Variants in FSIP1 observed in about 807,000 individuals in gnomAD.
The protein encoded by FSIP1 is fibrous sheath interacting protein 1, also known as fibrous sheath-interacting protein 1.
A neutral mutation model predicts 60.9 loss-of-function variants in FSIP1; 65 were observed. The observed-to-expected ratio is 1.07, with a 90% CI of 0.87 to 1.31. The LOEUF (loss-of-function observed/expected upper bound fraction) is 1.31. Among genes scored for constraint, FSIP1 ranks in the 40% most tolerant of loss-of-function variants. FSIP1 has a pLI of 0.00. For synonymous variants in FSIP1, 209 were observed against 221.2 expected (o/e 0.94, Z 0.49); for missense variants, 675 against 665.5 (o/e 1.01, Z -0.16).
At chr15:39,718,871 C>T (rs1895850141) in intron 9 of FSIP1, among the ~76,000 whole-genome samples, 1 of 152,174 alleles carries the variant, frequency 6.6e-6, no homozygotes, top group African/African-American at 2.4e-5. Flanking sequence ...AAGAGGTATA[C>T]ACCCGAAGGT....
intron 10 of FSIP1, among the ~76,000 whole-genome samples, chr15:39,710,441 G>GAAAAAAAAAAAA (rs397945950): frequency 8.1e-5 from 6 of 74,240 alleles, no homozygotes; most frequent in Middle Eastern, 9.1e-3. Context: ...CTCTGTCTCA[G>GAAAAAAAAAAAA]AAAAAAAAAA....
intron 10 of FSIP1, among the ~76,000 whole-genome samples, chr15:39,695,323 CA>C (rs957469313): frequency 2.6e-5 from 4 of 151,786 alleles, no homozygotes; most frequent in Admixed American, 6.6e-5. Flanking sequence ...ACCCAGTACC[CA>C]ACTGTTCCTC....
chr15:39,700,681 A>T (rs1333732939), intron 10 of FSIP1, among the ~76,000 whole-genome samples: 1 of 152,208 alleles, frequency 6.6e-6, no homozygotes, highest in Non-Finnish European at 1.5e-5. Context: ...TGCCCACCCC[A>T]GTGTCTATAC....
chr15:39,626,125 T>C (rs1363921737), intron 10 of FSIP1, among the ~76,000 whole-genome samples: 1 of 152,190 alleles, frequency 6.6e-6, no homozygotes, highest in Non-Finnish European at 1.5e-5. Flanking sequence ...GGAAATCAGC[T>C]GATAGATGAG....
intron 10 of FSIP1, among the ~76,000 whole-genome samples, chr15:39,692,581 A>T (rs923781488): frequency 6.6e-6 from 1 of 152,222 alleles, no homozygotes; most frequent in Non-Finnish European, 1.5e-5. Context: ...ATAAAAGGAG[A>T]GTACTAAACC....
At chr15:39,747,291 GT>G (rs1465549092) in intron 5 of FSIP1, 4 of 152,136 alleles carry the variant, frequency 2.6e-5, no homozygotes, top group Admixed American at 2.6e-4. Flanking sequence ...ATTTAGAATT[GT>G]TTTACTTACC....
At chr15:39,622,296 T>C (rs988907377) in intron 10 of FSIP1, among the ~76,000 whole-genome samples, 5 of 152,220 alleles carry the variant, frequency 3.3e-5, no homozygotes, top group Non-Finnish European at 7.3e-5. Context: ...TCAGTCCTCA[T>C]TTTTCCAGGC....
chr15:39,629,667 CCT>C (rs1891798739), intron 10 of FSIP1, among the ~76,000 whole-genome samples: 1 of 152,146 alleles, frequency 6.6e-6, no homozygotes, highest in Non-Finnish European at 1.5e-5. Context: ...CACTACTGTC[CCT>C]GAGTCTAAGC....
intron 10 of FSIP1, among the ~76,000 whole-genome samples, chr15:39,638,773 C>A (rs1892235932): frequency 6.6e-6 from 1 of 151,816 alleles, no homozygotes; most frequent in Non-Finnish European, 1.5e-5. Flanking sequence ...AGAGACTATA[C>A]TATTTTCCTA....
chr15:39,602,311 G>A, intron 11 of FSIP1: 1 of 456,238 alleles, frequency 2.2e-6, no homozygotes, highest in Non-Finnish European at 4.4e-6. Context: ...AGGAGAAGCT[G>A]GAAGAAGCAT....
intron 10 of FSIP1, among the ~76,000 whole-genome samples, chr15:39,647,762 T>C (rs1892680647): frequency 6.6e-6 from 1 of 152,020 alleles, no homozygotes; most frequent in South Asian, 2.1e-4. Context: ...AAAAAAAGAC[T>C]TCTTAAGGTC....
In FSIP1 at chr15:39,741,876, G is replaced by C. The variant is rs764736214; in HGVS notation, c.584C>G (p.Thr195Ser). The stretch of plus-strand genomic sequence containing the variant: ...TTGAGTATGAAACACTGAGGAAAAG[G>C]TGTCTTCCTCCTCATGAGAAGGACC... ...TVGPSHEEED[T>S]FSSVFHTQIP... is the part of the protein sequence containing the mutation. The change falls in exon 6 of 12, where the codon ACC becomes AGC. Residue 195 changes from threonine (T) to serine (S), a missense_variant. Thr to Ser is a moderately conservative substitution (Grantham distance 58). Coordinates refer to ENST00000350221, the MANE Select transcript of FSIP1 (RefSeq NM_152597.5). The C allele has an allele frequency of 2.5e-6, 4 of 1,600,126 alleles. No individual in the cohort carries two copies. In the African/African-American group the frequency reaches 4.0e-5, roughly 16 times the overall value.
chr15:39,709,233 A>G (rs1359644612), intron 10 of FSIP1, among the ~76,000 whole-genome samples: 1 of 152,168 alleles, frequency 6.6e-6, no homozygotes, highest in African/African-American at 2.4e-5. Context: ...TAGATCACCA[A>G]TTCAGTGGCC....
At chr15:39,699,529 G>A (rs757232628) in intron 10 of FSIP1, among the ~76,000 whole-genome samples, 1 of 152,140 alleles carries the variant, frequency 6.6e-6, no homozygotes, top group Non-Finnish European at 1.5e-5. Flanking sequence ...TAATCAACCT[G>A]CCAGTAATAT....
chr15:39,732,315 A>G (rs2140615233), intron 8 of FSIP1, among the ~76,000 whole-genome samples: 1 of 152,296 alleles, frequency 6.6e-6, no homozygotes, highest in Non-Finnish European at 1.5e-5. Context: ...AGAGAAGATT[A>G]CATCCATAAA....
chr15:39,740,919 G>T (rs1459775284), intron 6 of FSIP1, among the ~76,000 whole-genome samples: 3 of 151,874 alleles, frequency 2.0e-5, no homozygotes, highest in African/African-American at 7.3e-5. Context: ...AGTTATATAA[G>T]CTTATAGCTT....
chr15:39,657,268 T>G (rs931293948), intron 10 of FSIP1, among the ~76,000 whole-genome samples: 1 of 152,212 alleles, frequency 6.6e-6, no homozygotes. Flanking sequence ...AGTCTTCCTG[T>G]GTAGATCTAT....
intron 10 of FSIP1, among the ~76,000 whole-genome samples, chr15:39,641,154 T>C (rs997601220): frequency 6.6e-6 from 1 of 152,106 alleles, no homozygotes; most frequent in Non-Finnish European, 1.5e-5. Flanking sequence ...CAAATAGCCA[T>C]AGAAGGGAAT....
rs560193923 is a variant in FSIP1, at chr15:39,694,802, C to T, written c.1188+18642G>A. Among the ~76,000 whole-genome samples the T allele has an allele frequency of 3.5e-3, 530 of 151,324 alleles. 3 individuals are homozygous for T. Among genetic ancestry groups the T allele is most frequent in the African/African-American group, 0.012 (506 of 41,202 alleles). On this transcript the variant is annotated intron_variant, in intron 10 of 11. Transcript: ENST00000350221. ...GAGACTCCGTCTCAAAAAAAATAAA[C>T]AAACAAATAAAATAAAAAATAAAAA...
Sources: allele counts gnomAD v4.1 joint callset (sites outside exome capture counted in the v4.1 genomes callset), GRCh38; gene constraint gnomAD v4.1.1; transcripts MANE v1.5; gene names NCBI Gene and HGNC (gene_info 2026-07-23, HGNC 2026-07-21).